PCDHA8: variants seen among roughly 807,000 people sequenced by gnomAD.
PCDHA8 encodes the protein protocadherin alpha-8.
In PCDHA8, 53 loss-of-function variants were observed where a neutral mutation model predicts 61.8. That is an observed-to-expected ratio of 0.86 (90% CI 0.69 to 1.08). PCDHA8 has a LOEUF of 1.08. Among genes scored for constraint, PCDHA8 ranks in the 50% least tolerant of loss-of-function variants. The pLI, the probability that PCDHA8 is intolerant of heterozygous loss-of-function variation, is 0.00. For missense variants in PCDHA8, 1,293 were observed against 1,245.0 expected (o/e 1.04, Z -0.58); for synonymous variants, 618 against 556.6 (o/e 1.11, Z -1.55).
chr5:140,990,022 G>A (rs891983888), intron 3 of PCDHA8, among the ~76,000 whole-genome samples: 1 of 152,156 alleles, frequency 6.6e-6, no homozygotes, highest in African/African-American at 2.4e-5. Flanking sequence ...GCTAGGCAAA[G>A]GATGGGAGAA....
chr5:140,856,321 C>G lies in PCDHA8; in HGVS notation c.2394+12606C>G, dbSNP rs544932528. ...TGTTTGTGAATTCTCGGATTGACCG[C>G]GAGGAGCTGTGCGGGCGGAGCGTGG... On this transcript the variant is annotated intron_variant, in intron 1 of 3. Transcript: ENST00000531613. 15 of 1,598,548 alleles carry G rather than the reference C, an allele frequency of 9.4e-6. 2 individuals are homozygous for G. In the Admixed American group the frequency reaches 1.3e-4, roughly 14 times the overall value.
At position 140,892,638 on chromosome 5, in the gene PCDHA8, T is replaced by C. The variant is rs151070567; in HGVS notation, c.2394+48923T>C. Among the ~76,000 whole-genome samples the C allele has an allele frequency of 1.2e-4, 19 of 152,324 alleles. No homozygotes were observed. The East Asian group carries it at 2.5e-3, about 20-fold the overall frequency. ...CCAGTTGGTACATAATAATTGTACA[T>C]ATTTATAGGATACAGAGTGACATTT... is the stretch of plus-strand genomic sequence containing the variant. On this transcript the variant is annotated intron_variant, in intron 1 of 3. Transcript: ENST00000531613.
In PCDHA8 at chr5:140,848,506, C is replaced by G. The variant is rs1229499943; in HGVS notation, c.2394+4791C>G. 13 of 1,588,314 alleles carry G rather than the reference C, an allele frequency of 8.2e-6. 2 individuals carry two copies. The highest frequency in any genetic ancestry group is 1.3e-5 in the African/African-American group (1 of 74,152). On this transcript the variant is annotated intron_variant, in intron 1 of 3. Transcript: ENST00000531613. ...GACTGAGTATTTGAAATGTTATACT[C>G]AAGTCGAGGAGATCCAGAGGGTCAG...
chr5:140,871,103 C>T lies in PCDHA8; in HGVS notation c.2394+27388C>T, dbSNP rs202137231. On this transcript the variant is annotated intron_variant, in intron 1 of 3. Coordinates refer to ENST00000531613, the MANE Select transcript of PCDHA8 (RefSeq NM_018911.3). Reference sequence around the variant, plus strand: ...ACGGCCACGGCCACCGTGCTGGTGTCGTTGGTGGAGAGCGGACAGGCGCCA... The same window carrying T: ...ACGGCCACGGCCACCGTGCTGGTGTTGTTGGTGGAGAGCGGACAGGCGCCA... 4 of 1,613,290 alleles carry T rather than the reference C, an allele frequency of 2.5e-6. No individual in the cohort carries two copies. The Admixed American group carries it at 5.0e-5, about 20-fold the overall frequency.
At chr5:141,003,680 T>C (rs1167133667) in intron 3 of PCDHA8, among the ~76,000 whole-genome samples, 1 of 152,198 alleles carries the variant, frequency 6.6e-6, no homozygotes, top group African/African-American at 2.4e-5. Flanking sequence ...GTTGTTCTGA[T>C]TTTAAAATAT....
intron 1 of PCDHA8, chr5:140,876,391 G>T: frequency 6.2e-7 from 1 of 1,613,920 alleles, no homozygotes; most frequent in South Asian, 1.1e-5. Context: ...AATTTATGGT[G>T]AACTGGATTT....
At chr5:140,874,212 T>C (rs1199574859) in intron 1 of PCDHA8, among the ~76,000 whole-genome samples, 1 of 152,252 alleles carries the variant, frequency 6.6e-6, no homozygotes, top group Non-Finnish European at 1.5e-5. Context: ...TTTATTATTA[T>C]ATGCAGTAGG....
chr5:140,922,726 C>T lies in PCDHA8; in HGVS notation c.2395-56223C>T, dbSNP rs118091551. On this transcript the variant is annotated intron_variant, in intron 1 of 3. Coordinates refer to ENST00000531613, the MANE Select transcript of PCDHA8 (RefSeq NM_018911.3). ...GTCAAGAACAAAAAGAAACACTTGA[C>T]AAGGTTGAGAAAAATAAATGGAAAA... is the stretch of plus-strand genomic sequence containing the variant. 6.6e-5 allele frequency among the ~76,000 whole-genome samples: 10 copies of T among 152,012 alleles called. No homozygotes were observed. The East Asian group carries it at 1.9e-3, about 29-fold the overall frequency.
intron 3 of PCDHA8, among the ~76,000 whole-genome samples, chr5:140,996,928 G>A (rs114173550): frequency 6.6e-6 from 1 of 152,032 alleles, no homozygotes; most frequent in African/African-American, 2.4e-5. Flanking sequence ...AAAAAATATA[G>A]CATTTTTGCA....
intron 1 of PCDHA8, among the ~76,000 whole-genome samples, chr5:140,854,986 T>C (rs1266471979): frequency 2.0e-5 from 3 of 149,894 alleles, no homozygotes; most frequent in African/African-American, 7.3e-5. Context: ...TTAAGATTCT[T>C]TTTGCCCGTG....
chr5:140,991,981 T>C (rs2097483028), intron 3 of PCDHA8, among the ~76,000 whole-genome samples: 1 of 152,008 alleles, frequency 6.6e-6, no homozygotes, highest in South Asian at 2.1e-4. Flanking sequence ...TTATTCTGCC[T>C]ACCACCCGGT....
chr5:140,856,168 C>T lies in PCDHA8; in HGVS notation c.2394+12453C>T, dbSNP rs781959235. On this transcript the variant is annotated intron_variant, in intron 1 of 3. Transcript: ENST00000531613. ...ACTCAGTCTACGAGGAGGCCAGACA[C>T]GGCACCTTCGTGGGCCGCATCGCGC... 25 of 1,598,198 alleles carry T rather than the reference C, an allele frequency of 1.6e-5. 4 individuals carry two copies. The highest frequency in any genetic ancestry group is 2.1e-5 in the Non-Finnish European group (24 of 1,167,912).
At chr5:140,931,782 C>T (rs967402790) in intron 1 of PCDHA8, among the ~76,000 whole-genome samples, 9 of 151,848 alleles carry the variant, frequency 5.9e-5, no homozygotes, top group Non-Finnish European at 5.9e-5. Flanking sequence ...GTTCAATTAC[C>T]TATTGATCTG....
At chr5:140,904,642 C>G (rs1257685945) in intron 1 of PCDHA8, among the ~76,000 whole-genome samples, 2 of 152,132 alleles carry the variant, frequency 1.3e-5, no homozygotes, top group Non-Finnish European at 2.9e-5. Context: ...AATCTCCACA[C>G]TGTTTTCCAT....
chr5:140,856,497 G>T (rs782069130), intron 1 of PCDHA8: 1 of 1,598,346 alleles, frequency 6.3e-7, no homozygotes. Flanking sequence ...CTTGACTCTC[G>T]ATTTCCACTA....
At chr5:140,974,779 C>T (rs950634910) in intron 1 of PCDHA8, among the ~76,000 whole-genome samples, 1 of 152,160 alleles carries the variant, frequency 6.6e-6, no homozygotes, top group African/African-American at 2.4e-5. Context: ...TGAGCCACTG[C>T]GCCCAGCCCT....
At chr5:140,876,298 G>T (rs1469744425) in intron 1 of PCDHA8, 3 of 1,613,970 alleles carry the variant, frequency 1.9e-6, no homozygotes, top group Non-Finnish European at 1.7e-6. Context: ...ACTTAATGGA[G>T]AAATTTCCTA....
chr5:140,958,077 A>G (rs2095408004), intron 1 of PCDHA8, among the ~76,000 whole-genome samples: 2 of 152,124 alleles, frequency 1.3e-5, no homozygotes, highest in South Asian at 4.1e-4. Flanking sequence ...AGAAGCAAAA[A>G]GTAAAGTTGT....
chr5:140,877,331 T>A (rs2057038565), intron 1 of PCDHA8: 15 of 1,613,962 alleles, frequency 9.3e-6, no homozygotes, highest in Non-Finnish European at 1.3e-5. Context: ...GGCGCGCACA[T>A]CCCGTTCCAC....
Sources: gnomAD v4.1 joint callset for allele counts (sites outside exome capture counted in the v4.1 genomes callset) on GRCh38, gnomAD v4.1.1 for gene constraint, MANE v1.5 for transcripts, NCBI Gene and HGNC (gene_info 2026-07-23, HGNC 2026-07-21) for gene names.